The following PRKCB variants were observed in gnomAD, a reference collection of about 807,000 sequenced individuals.
The protein encoded by PRKCB is protein kinase C beta type.
A neutral mutation model predicts 81.5 loss-of-function variants in PRKCB; 13 were observed. The ratio of observed to expected loss-of-function variants is 0.16; its 90% CI spans 0.10 to 0.25. PRKCB has a LOEUF of 0.25. Among genes scored for constraint, PRKCB ranks in the 10% least tolerant of loss-of-function variants. PRKCB has a pLI of 1.00. For missense variants in PRKCB, 509 were observed against 875.7 expected, an observed-to-expected ratio of 0.58 and a Z score of 5.29; for synonymous variants, 335 against 321.4, an observed-to-expected ratio of 1.04 and a Z score of -0.45.
At chr16:24,087,605 TC>T (rs1194921549) in intron 5 of PRKCB, among the ~76,000 whole-genome samples, 1 of 152,182 alleles carries the variant, frequency 6.6e-6, no homozygotes, top group African/African-American at 2.4e-5. Context: ...GAAAGTTCCT[TC>T]AAAAGGAGTT....
At chr16:24,021,028 C>CT (rs66844532) in intron 3 of PRKCB, among the ~76,000 whole-genome samples, 1 of 140,328 alleles carries the variant, frequency 7.1e-6, no homozygotes. Context: ...TTCTTTCTTT[C>CT]TTTCTTTCTT....
chr16:23,870,076 T>C (rs924480347), intron 2 of PRKCB, among the ~76,000 whole-genome samples: 4 of 151,972 alleles, frequency 2.6e-5, no homozygotes, highest in Non-Finnish European at 4.4e-5. Flanking sequence ...CTAGGTACTG[T>C]TGGCAGACAA....
At chr16:24,022,113 AG>A (rs1343788687) in intron 3 of PRKCB, among the ~76,000 whole-genome samples, 1 of 152,082 alleles carries the variant, frequency 6.6e-6, no homozygotes, top group Non-Finnish European at 1.5e-5. Flanking sequence ...GGGATGATCA[AG>A]GGGTGATGCT....
intron 2 of PRKCB, among the ~76,000 whole-genome samples, chr16:23,946,013 T>C (rs948577133): frequency 6.6e-6 from 1 of 152,222 alleles, no homozygotes; most frequent in Non-Finnish European, 1.5e-5. Flanking sequence ...GTATATGACA[T>C]ACATCCTCTC....
In PRKCB at chr16:23,867,032, CCTTCCTTCCTTCCTTCCT is replaced by C. The variant is rs1169887979; in HGVS notation, c.205+29627_205+29644del. 2.2e-3 allele frequency among the ~76,000 whole-genome samples: 195 copies of C among 88,252 alleles called. 2 individuals are homozygous for C. Among genetic ancestry groups the C allele is most frequent in the African/African-American group, 8.6e-3 (179 of 20,750 alleles). The allele number at this position is 88,252 out of a possible 152,430, so 57.9% of individuals were successfully genotyped here. On this transcript the variant is annotated intron_variant, in intron 2 of 16. Coordinates refer to ENST00000643927, the MANE Select transcript of PRKCB (RefSeq NM_002738.7). ...TCCTTCCTTCCTTCCTTCCTTCCTT[CCTTCCTTCCTTCCTTCCT>C]TCTCTCTCTCTCTCTTTCTTTCTTT...
At chr16:24,039,403 T>C (rs139030603) in intron 5 of PRKCB, among the ~76,000 whole-genome samples, 1 of 152,004 alleles carries the variant, frequency 6.6e-6, no homozygotes, top group Non-Finnish European at 1.5e-5. Flanking sequence ...TGATTTTTTT[T>C]ATTTTTAGTA....
intron 5 of PRKCB, among the ~76,000 whole-genome samples, chr16:24,062,820 T>C (rs562563312): frequency 1.3e-5 from 2 of 152,060 alleles, no homozygotes; most frequent in East Asian, 3.9e-4. Flanking sequence ...TATTTTTTTT[T>C]GCAGGTTGTC....
intron 3 of PRKCB, 152 bp from the exon 4 acceptor site, chr16:24,031,984 G>T: frequency 1.8e-6 from 1 of 564,202 alleles, no homozygotes. Flanking sequence ...CCGTTTCTGG[G>T]CACAGGGCTC....
At chr16:23,899,477 G>A (rs1963432526) in intron 2 of PRKCB, among the ~76,000 whole-genome samples, 7 of 152,202 alleles carry the variant, frequency 4.6e-5, no homozygotes, top group Admixed American at 3.9e-4. Context: ...CTTACCAGAG[G>A]AAACAGAATG....
At chr16:23,880,450 T>C (rs527381514) in intron 2 of PRKCB, among the ~76,000 whole-genome samples, 1 of 152,122 alleles carries the variant, frequency 6.6e-6, no homozygotes, top group South Asian at 2.1e-4. Context: ...CCGGGATGGG[T>C]TCTATTAGTT....
chr16:24,092,733 G>T lies in PRKCB; in HGVS notation c.530-58G>T, dbSNP rs575165010. The T allele has an allele frequency of 8.6e-6, 13 of 1,517,112 alleles. No homozygotes were observed. The East Asian group carries it at 2.7e-4, about 32-fold the overall frequency. 94.0% of individuals were successfully genotyped at this position (1,517,112 alleles called of 1,614,324 possible). A position where few individuals can be genotyped will look rare whatever the true frequency, so the allele number is the denominator to read the frequency against. ...TTCCACAAGTTCTGCAGCTGTCACT[G>T]CTTGGTGCTTAAACATGTTGGACAG... is the stretch of plus-strand genomic sequence containing the variant. On this transcript the variant is annotated intron_variant, in intron 5 of 16. Transcript: ENST00000643927.
intron 9 of PRKCB, among the ~76,000 whole-genome samples, chr16:24,145,137 G>T (rs1033395126): frequency 1.3e-5 from 2 of 152,138 alleles, no homozygotes; most frequent in African/African-American, 4.8e-5. Context: ...GTCCCTAGGG[G>T]AAGAGTCATG....
chr16:24,003,810 T>C (rs1965074614), intron 3 of PRKCB, among the ~76,000 whole-genome samples: 1 of 152,166 alleles, frequency 6.6e-6, no homozygotes, highest in South Asian at 2.1e-4. Context: ...CCAGGAGCAG[T>C]GTATGTTATA....
At chr16:23,931,651 A>G (rs1963978829) in intron 2 of PRKCB, among the ~76,000 whole-genome samples, 1 of 152,078 alleles carries the variant, frequency 6.6e-6, no homozygotes, top group African/African-American at 2.4e-5. Context: ...CCTCCTTTCC[A>G]GCTGTGCTAC....
At chr16:23,956,979 T>TAAAAAAAAAAA (rs10714409) in intron 2 of PRKCB, among the ~76,000 whole-genome samples, 3 of 45,976 alleles carry the variant, frequency 6.5e-5, no homozygotes, top group African/African-American at 1.8e-4. Flanking sequence ...CTATAGGCAG[T>TAAAAAAAAAAA]AAAAAAAAAA....
intron 5 of PRKCB, among the ~76,000 whole-genome samples, chr16:24,040,260 C>A (rs1053210701): frequency 6.6e-6 from 1 of 152,156 alleles, no homozygotes; most frequent in Non-Finnish European, 1.5e-5. Context: ...TCTAACATGG[C>A]GATCTCATTC....
chr16:24,196,151 T>C (rs1285144561), intron 16 of PRKCB, among the ~76,000 whole-genome samples: 1 of 152,180 alleles, frequency 6.6e-6, no homozygotes, highest in African/African-American at 2.4e-5. Context: ...TACTTTAAGA[T>C]TGTGACTTTC....
intron 2 of PRKCB, among the ~76,000 whole-genome samples, chr16:23,886,548 G>T (rs1222841282): frequency 1.3e-5 from 2 of 151,338 alleles, no homozygotes; most frequent in East Asian, 3.9e-4. Context: ...GAGTAGCTGG[G>T]ATTACAGGCA....
At chr16:24,103,166 C>T (rs541390589) in intron 7 of PRKCB, among the ~76,000 whole-genome samples, 19 of 152,340 alleles carry the variant, frequency 1.2e-4, no homozygotes, top group East Asian at 3.9e-4. Flanking sequence ...AACCACCGCA[C>T]GTGGCCAAAA....
Sources: gnomAD v4.1 joint callset for allele counts (sites outside exome capture counted in the v4.1 genomes callset) on GRCh38, gnomAD v4.1.1 for gene constraint, MANE v1.5 for transcripts, NCBI Gene and HGNC (gene_info 2026-07-23, HGNC 2026-07-21) for gene names.